The following STPG2 variants were observed in gnomAD, a reference collection of about 807,000 sequenced individuals.
STPG2 encodes sperm-tail PG-rich repeat-containing protein 2.
Under a neutral mutation model 54.2 loss-of-function variants are expected in STPG2, and 56 were observed. The observed-to-expected ratio is 1.03, with a 90% CI of 0.83 to 1.29. The LOEUF (loss-of-function observed/expected upper bound fraction) is 1.29, where lower values mean the gene tolerates loss of function less well. Ranked by LOEUF, STPG2 falls within the 50% of genes most tolerant of loss-of-function variation. The probability of loss-of-function intolerance (pLI) is 0.00; values close to 1 mark genes in which losing one functional copy is unlikely to be tolerated. For missense variants in STPG2, 596 were observed against 544.9 expected (o/e 1.09, Z -0.93); for synonymous variants, 200 against 181.8 (o/e 1.10, Z -0.81).
intron 10 of STPG2, among the ~76,000 whole-genome samples, chr4:97,590,932 C>T (rs1335764814): frequency 1.3e-5 from 2 of 151,940 alleles, no homozygotes; most frequent in East Asian, 1.9e-4. Context: ...GGAAAATAGG[C>T]CATTGCTATT....
At chr4:97,853,975 T>C (rs1008430326) in intron 8 of STPG2, among the ~76,000 whole-genome samples, 2 of 152,038 alleles carry the variant, frequency 1.3e-5, no homozygotes, top group African/African-American at 4.8e-5. Context: ...GGGAGTTTTG[T>C]GTGTTTTTTA....
chr4:97,760,847 C>T (rs1220291815), intron 9 of STPG2, among the ~76,000 whole-genome samples: 1 of 152,162 alleles, frequency 6.6e-6, no homozygotes, highest in East Asian at 1.9e-4. Flanking sequence ...ATATGGATGA[C>T]TGCAAGGCTG....
At chr4:97,741,520 A>G (rs951403843) in intron 9 of STPG2, among the ~76,000 whole-genome samples, 2 of 152,078 alleles carry the variant, frequency 1.3e-5, no homozygotes, top group African/African-American at 4.8e-5. Flanking sequence ...TTTACAAGAA[A>G]AAAACAAACA....
At chr4:98,007,125 T>C (rs191228375) in intron 5 of STPG2, among the ~76,000 whole-genome samples, 6 of 152,318 alleles carry the variant, frequency 3.9e-5, no homozygotes, top group Non-Finnish European at 8.8e-5. Flanking sequence ...GCCAAGCCTA[T>C]GCCTGGGACA....
chr4:98,063,377 A>T (rs1221834254), intron 5 of STPG2, among the ~76,000 whole-genome samples: 1 of 152,024 alleles, frequency 6.6e-6, no homozygotes, highest in East Asian at 1.9e-4. Context: ...GGAACACGGG[A>T]GGTGGAGATT....
At chr4:97,469,849 A>C (rs553941095) in intron 4 of STPG2, among the ~76,000 whole-genome samples, 93 of 152,218 alleles carry the variant, frequency 6.1e-4, no homozygotes, top group Non-Finnish European at 1.2e-3. Context: ...TGTGTGCCAA[A>C]AAAAGGTTGT....
chr4:98,067,103 C>T (rs1737858271), intron 5 of STPG2, among the ~76,000 whole-genome samples: 1 of 152,148 alleles, frequency 6.6e-6, no homozygotes, highest in South Asian at 2.1e-4. Context: ...GTTTCCTTCT[C>T]ACCCCTCTCA....
chr4:97,472,470 T>C (rs1251693717), intron 4 of STPG2, among the ~76,000 whole-genome samples: 1 of 152,172 alleles, frequency 6.6e-6, no homozygotes, highest in Non-Finnish European at 1.5e-5. Flanking sequence ...AGTATTCTGT[T>C]CTTAGCAAGG....
chr4:97,685,780 C>A (rs1481801527), intron 10 of STPG2, among the ~76,000 whole-genome samples: 1 of 152,064 alleles, frequency 6.6e-6, no homozygotes, highest in African/African-American at 2.4e-5. Flanking sequence ...AACAGCAGAA[C>A]CTGGGGTTCT....
At chr4:97,937,033 A>AT (rs1339084152) in intron 8 of STPG2, among the ~76,000 whole-genome samples, 1 of 151,242 alleles carries the variant, frequency 6.6e-6, no homozygotes, top group Non-Finnish European at 1.5e-5. Context: ...TAGGTTCAGT[A>AT]TTTTTTCATA....
intron 4 of STPG2, among the ~76,000 whole-genome samples, chr4:97,468,117 C>G (rs1729833440): frequency 6.6e-6 from 1 of 151,908 alleles, no homozygotes; most frequent in Admixed American, 6.6e-5. Flanking sequence ...AAAAGAAAAG[C>G]TTCTATATCT....
At chr4:98,026,326 A>G (rs1234458452) in intron 5 of STPG2, 1 of 566,464 alleles carries the variant, frequency 1.8e-6, no homozygotes, top group Non-Finnish European at 3.1e-6. Flanking sequence ...GGACAGAAAA[A>G]AAAATGGAGT....
At chr4:98,109,120 G>T in intron 4 of STPG2, 73 bp downstream of exon 4, 2 of 894,234 alleles carry the variant, frequency 2.2e-6, no homozygotes, top group Non-Finnish European at 3.3e-6. Context: ...TTACAGCATA[G>T]CCTAGTCTGA....
chr4:98,108,934 A>G (rs576672883), intron 4 of STPG2, among the ~76,000 whole-genome samples: 3 of 152,204 alleles, frequency 2.0e-5, no homozygotes, highest in African/African-American at 7.2e-5. Flanking sequence ...AATATAGATG[A>G]TGGGTTGATG....
At chr4:97,996,067 A>G (rs1044482245) in intron 5 of STPG2, among the ~76,000 whole-genome samples, 4 of 152,236 alleles carry the variant, frequency 2.6e-5, no homozygotes, top group Non-Finnish European at 5.9e-5. Context: ...GACATTCTTC[A>G]TAGAATTAGA....
intron 8 of STPG2, among the ~76,000 whole-genome samples, chr4:97,932,338 T>C (rs1732581464): frequency 1.3e-5 from 2 of 152,170 alleles, no homozygotes; most frequent in African/African-American, 4.8e-5. Context: ...GTTAGGTTGT[T>C]AATTTGAGAT....
chr4:97,454,670 T>C (rs1578311696), intron 4 of STPG2, among the ~76,000 whole-genome samples: 1 of 151,714 alleles, frequency 6.6e-6, no homozygotes, highest in Non-Finnish European at 1.5e-5. Flanking sequence ...TGTTTAAATG[T>C]TAAAAAAAAA....
chr4:97,944,456 A>C (rs1733122679), intron 7 of STPG2, among the ~76,000 whole-genome samples: 1 of 152,052 alleles, frequency 6.6e-6, no homozygotes, highest in African/African-American at 2.4e-5. Context: ...TCACTCTCTT[A>C]AATATCATAA....
At chr4:97,689,043 C>T (rs1267375946) in intron 10 of STPG2, among the ~76,000 whole-genome samples, 4 of 152,088 alleles carry the variant, frequency 2.6e-5, no homozygotes, top group African/African-American at 7.2e-5. Context: ...GAGTGCTATA[C>T]TTTCTCACAA....
Sources: gnomAD v4.1 joint callset for allele counts (sites outside exome capture counted in the v4.1 genomes callset) on GRCh38, gnomAD v4.1.1 for gene constraint, MANE v1.5 for transcripts, NCBI Gene and HGNC (gene_info 2026-07-23, HGNC 2026-07-21) for gene names.